Variants in PHLDB2 observed in about 807,000 individuals in gnomAD.
PHLDB2 encodes the protein pleckstrin homology like domain family B member 2, also known as pleckstrin homology-like domain family B member 2.
Under a neutral mutation model 123.6 loss-of-function variants are expected in PHLDB2, and 71 were observed. The ratio of observed to expected loss-of-function variants is 0.57; its 90% CI spans 0.47 to 0.70. The LOEUF (loss-of-function observed/expected upper bound fraction) is 0.70, where lower values mean the gene tolerates loss of function less well. Among genes scored for constraint, PHLDB2 ranks in the 30% least tolerant of loss-of-function variants. PHLDB2 has a pLI of 0.00. For synonymous variants in PHLDB2, 547 were observed against 541.6 expected, an observed-to-expected ratio of 1.01 and a Z score of -0.14; for missense variants, 1,446 against 1,519.5, an observed-to-expected ratio of 0.95 and a Z score of 0.80.
chr3:111,939,554 A>AT lies in PHLDB2; in HGVS notation c.2211dup (p.Glu738Ter). On this transcript the variant is annotated frameshift_variant, in exon 7 of 18. Coordinates refer to ENST00000431670, the MANE Select transcript of PHLDB2 (RefSeq NM_001134438.2). LOFTEE classifies it high-confidence loss of function. ...CAGCTTGAACATGAGAGCCGTCTAG[A>AT]TGAAGAAAAGGAGAACTTGACTCAA... The AT allele has an allele frequency of 1.2e-6, 2 of 1,614,096 alleles. No individual in the cohort carries two copies. Among genetic ancestry groups the AT allele is most frequent in the Non-Finnish European group, 1.7e-6 (2 of 1,179,970 alleles).
At chr3:111,741,302 A>T (rs1014470315) in intron 1 of PHLDB2, among the ~76,000 whole-genome samples, 1 of 152,214 alleles carries the variant, frequency 6.6e-6, no homozygotes, top group Non-Finnish European at 1.5e-5. Context: ...TCTCACAGTG[A>T]AAAAGGGAAG....
intron 2 of PHLDB2, among the ~76,000 whole-genome samples, chr3:111,908,853 G>C (rs1473298369): frequency 3.6e-5 from 5 of 140,646 alleles, no homozygotes; most frequent in African/African-American, 1.3e-4. Context: ...ATGGAATCCT[G>C]GGAAGTCTGC....
intron 2 of PHLDB2, among the ~76,000 whole-genome samples, chr3:111,901,885 C>T (rs1279310176): frequency 6.6e-6 from 1 of 152,128 alleles, no homozygotes; most frequent in Non-Finnish European, 1.5e-5. Flanking sequence ...TGATACGGAT[C>T]ACATGAATTT....
intron 2 of PHLDB2, among the ~76,000 whole-genome samples, chr3:111,853,512 C>T (rs900556739): frequency 1.3e-5 from 2 of 152,138 alleles, no homozygotes; most frequent in Non-Finnish European, 2.9e-5. Context: ...AACTACTCTG[C>T]TGGGTGTTCT....
rs113499858 is a variant in PHLDB2, at chr3:111,944,829, C to T, written c.2398-439C>T. 1.1e-4 allele frequency among the ~76,000 whole-genome samples: 17 copies of T among 152,088 alleles called. No homozygotes were observed. The South Asian group carries it at 1.2e-3, about 11-fold the overall frequency. On this transcript the variant is annotated intron_variant, in intron 8 of 17. Transcript: ENST00000431670. ...CTGGGACTACAGGTGCCTGCCACCA[C>T]GCCTGGCTAATTTTTTTGTATTTTT... is the stretch of plus-strand genomic sequence containing the variant.
chr3:111,958,748 C>T (rs2071207891), intron 12 of PHLDB2: 1 of 455,526 alleles, frequency 2.2e-6, no homozygotes, highest in Non-Finnish European at 4.4e-6. Flanking sequence ...AGTTGCTTTC[C>T]CACTGATTAA....
chr3:111,890,167 A>T (rs976148362), intron 2 of PHLDB2, among the ~76,000 whole-genome samples: 4 of 152,210 alleles, frequency 2.6e-5, no homozygotes, highest in Non-Finnish European at 5.9e-5. Context: ...TCAACTCACC[A>T]CGTGGTCAGA....
chr3:111,956,031 C>T (rs752953391), intron 12 of PHLDB2, among the ~76,000 whole-genome samples: 12 of 152,064 alleles, frequency 7.9e-5, no homozygotes, highest in Non-Finnish European at 1.8e-4. Context: ...CCCATCTCTA[C>T]AAGTAATTTA....
Position 111,929,311 on chromosome 3 carries a change from ATAT to A in PHLDB2, c.2002-2956_2002-2954del, listed in dbSNP as rs574502525. 4.3e-3 allele frequency among the ~76,000 whole-genome samples: 659 copies of A among 152,272 alleles called. 6 individuals carry two copies. The highest frequency in any genetic ancestry group is 0.014 in the African/African-American group (590 of 41,550). ...TTTTTTCCTGAAAGTACATTTATGA[ATAT>A]TTTTTAAAAAGTTATATTCTCTCTC... On this transcript the variant is annotated intron_variant, in intron 5 of 17. Coordinates refer to ENST00000431670, the MANE Select transcript of PHLDB2 (RefSeq NM_001134438.2).
intron 1 of PHLDB2, among the ~76,000 whole-genome samples, chr3:111,830,856 C>T (rs2062933380): frequency 7.0e-6 from 1 of 143,498 alleles, no homozygotes; most frequent in South Asian, 2.3e-4. Context: ...AGAGTCTAAG[C>T]ATATCATTGT....
At chr3:111,864,644 G>C (rs1211399250) in intron 1 of PHLDB2, among the ~76,000 whole-genome samples, 2 of 152,224 alleles carry the variant, frequency 1.3e-5, no homozygotes, top group Non-Finnish European at 2.9e-5. Flanking sequence ...ACTAGAGGTT[G>C]TAGGTAATTG....
chr3:111,953,991 C>T lies in PHLDB2; in HGVS notation c.2834C>T (p.Ala945Val), dbSNP rs199837757. ...CGSVLPPSLA[A>V]MAKDSESRRM... The stretch of plus-strand genomic sequence containing the variant: ...AGTGTGCTCCCTCCCTCACTGGCAG[C>T]CATGGCCAAAGACTCAGAATCTCGG... The change falls in exon 12 of 18, where the codon GCC becomes GTC. Residue 945 changes from alanine to valine, a missense_variant. By Grantham distance (64) the Ala-to-Val change is moderately conservative. Coordinates refer to ENST00000431670, the MANE Select transcript of PHLDB2 (RefSeq NM_001134438.2). The T allele has an allele frequency of 1.0e-4, 163 of 1,613,674 alleles. No individual in the cohort carries two copies. In the East Asian group the frequency reaches 2.5e-3, roughly 25 times the overall value.
intron 1 of PHLDB2, among the ~76,000 whole-genome samples, chr3:111,843,982 A>T (rs113338038): frequency 0.016 from 2,503 of 152,254 alleles, 30 homozygotes; most frequent in Non-Finnish European, 0.027. Flanking sequence ...TAATGTAAAA[A>T]TCCTCTAATT....
Position 111,975,670 on chromosome 3 carries a change from T to A in PHLDB2, c.*1107T>A, listed in dbSNP as rs545098384. On this transcript the variant is annotated 3_prime_UTR_variant, in exon 18 of 18. Coordinates refer to ENST00000431670, the MANE Select transcript of PHLDB2 (RefSeq NM_001134438.2). ...TATTTTTTACAATTAGCCTTTTTTT[T>A]AGTTAATTTTTGTCAAATGAAACGA... The A allele has an allele frequency of 1.3e-5, 2 of 152,732 alleles. No homozygotes were observed. Among genetic ancestry groups the A allele is most frequent in the South Asian group, 2.1e-4 (1 of 4,834 alleles). 9.5% of individuals were successfully genotyped at this position (152,732 alleles called of 1,614,324 possible).
At chr3:111,804,015 ATTCAGT>A (rs1392609871) in intron 1 of PHLDB2, among the ~76,000 whole-genome samples, 1 of 151,916 alleles carries the variant, frequency 6.6e-6, no homozygotes. Flanking sequence ...CTGTCCTCTA[ATTCAGT>A]TTCTAAACTT....
chr3:111,824,800 C>T (rs2062574881), intron 1 of PHLDB2, among the ~76,000 whole-genome samples: 1 of 152,206 alleles, frequency 6.6e-6, no homozygotes, highest in Non-Finnish European at 1.5e-5. Flanking sequence ...AGTATTCTAA[C>T]AGACGCAAAC....
In PHLDB2 at chr3:111,844,617, A is replaced by T. The variant is rs538149190; in HGVS notation, c.-48-1204A>T. Reference sequence around the variant, plus strand: ...GAATTATTGTATAGACCTCTAACTTATTTTTCTACCTCCAATTCTGCCACC... The same window carrying T: ...GAATTATTGTATAGACCTCTAACTTTTTTTTCTACCTCCAATTCTGCCACC... On this transcript the variant is annotated intron_variant, in intron 1 of 17. Coordinates refer to the PHLDB2 transcript ENST00000393923. Among the ~76,000 whole-genome samples, 3 of 152,316 alleles carry T rather than the reference A, an allele frequency of 2.0e-5. No homozygotes were observed. In the East Asian group the frequency reaches 5.8e-4, roughly 29 times the overall value.
chr3:111,785,020 A>G (rs572592821), intron 1 of PHLDB2, among the ~76,000 whole-genome samples: 36 of 152,296 alleles, frequency 2.4e-4, no homozygotes, highest in East Asian at 1.3e-3. Flanking sequence ...CTTTGATCAT[A>G]TATTTCCAAA....
chr3:111,732,745 C>A, intron 1 of PHLDB2: 1 of 1,481,382 alleles, frequency 6.8e-7, no homozygotes, highest in South Asian at 1.2e-5. Flanking sequence ...CTTGTAATAA[C>A]AAAATGAGCA....
Sources: gnomAD v4.1 joint callset for allele counts (sites outside exome capture counted in the v4.1 genomes callset) on GRCh38, gnomAD v4.1.1 for gene constraint, MANE v1.5 for transcripts, NCBI Gene and HGNC (gene_info 2026-07-23, HGNC 2026-07-21) for gene names.